GPHN: variants seen among roughly 807,000 people sequenced by gnomAD.
GPHN encodes the protein gephyrin.
In GPHN, 17 loss-of-function variants were observed where a neutral mutation model predicts 95.5. That is an observed-to-expected ratio of 0.18 (90% CI 0.12 to 0.27). The LOEUF (loss-of-function observed/expected upper bound fraction) is 0.27. Ranked by LOEUF, GPHN falls within the 10% of genes least tolerant of loss-of-function variation. The pLI is 1.00. For synonymous variants in GPHN, 320 were observed against 322.5 expected (o/e 0.99, Z 0.08); for missense variants, 660 against 978.1 (o/e 0.67, Z 4.34).
the GPHN span, chr14:67,676,853 C>CA: frequency 1.3e-5 from 2 of 151,900 alleles, no homozygotes; most frequent in African/African-American, 4.8e-5. Flanking sequence ...TAAATGAAAA[C>CA]AAAAAATAAT....
chr14:66,862,039 CA>C (rs909200897), intron 4 of GPHN, among the ~76,000 whole-genome samples: 8 of 151,714 alleles, frequency 5.3e-5, no homozygotes, highest in Non-Finnish European at 7.4e-5. Flanking sequence ...AAAAGATCAA[CA>C]AACTGGAAAG....
chr14:67,360,161 C>T, the GPHN span: 1 of 407,178 alleles, frequency 2.5e-6, no homozygotes, highest in Non-Finnish European at 4.3e-6. Context: ...ATGTCTTTCT[C>T]GCGCCTTGAA....
At chr14:66,916,219 A>G in intron 6 of GPHN, 150 bp downstream of exon 6, 1 of 686,110 alleles carries the variant, frequency 1.5e-6, no homozygotes, top group Non-Finnish European at 2.7e-6. Context: ...GGGTTCAGTA[A>G]TTCAATGGAA....
the GPHN span, among the ~76,000 whole-genome samples, chr14:67,427,474 G>A: frequency 6.6e-6 from 1 of 152,156 alleles, no homozygotes; most frequent in Non-Finnish European, 1.5e-5. Context: ...ACCTTTGTCA[G>A]GGGCTTCCGT....
At chr14:67,483,292 C>T in the GPHN span, among the ~76,000 whole-genome samples, 2 of 152,122 alleles carry the variant, frequency 1.3e-5, no homozygotes. Flanking sequence ...ATTATAGGCA[C>T]GAGTCACCAC....
At chr14:67,317,400 C>A in the GPHN span, 1 of 1,606,458 alleles carries the variant, frequency 6.2e-7, no homozygotes, top group Admixed American at 1.7e-5. Context: ...TTTATGATTG[C>A]TCAACAGGAA....
At chr14:67,432,275 A>C in the GPHN span, among the ~76,000 whole-genome samples, 3 of 152,234 alleles carry the variant, frequency 2.0e-5, no homozygotes, top group Non-Finnish European at 1.5e-5. Flanking sequence ...TAGGCATCTA[A>C]AGAATGGCAG....
chr14:67,185,362 G>T (rs8009652), downstream of GPHN, among the ~76,000 whole-genome samples: 88 of 152,302 alleles, frequency 5.8e-4, no homozygotes, highest in African/African-American at 1.9e-3. Context: ...TTAGAAAAGG[G>T]AGAAGATGTG....
chr14:66,515,499 T>C (rs28548143), intron 1 of GPHN, among the ~76,000 whole-genome samples: 49,837 of 151,958 alleles, frequency 0.33, 11,996 homozygotes, highest in African/African-American at 0.65. Context: ...AGTTGGGTGT[T>C]GTTTGTGTGA....
intron 8 of GPHN, among the ~76,000 whole-genome samples, chr14:66,931,628 T>G (rs958530342): frequency 2.6e-5 from 4 of 152,238 alleles, no homozygotes; most frequent in African/African-American, 9.6e-5. Context: ...TTCTGCTTAA[T>G]CAGTTATGCT....
At chr14:66,817,089 G>T (rs1335699323) in intron 3 of GPHN, among the ~76,000 whole-genome samples, 1 of 151,920 alleles carries the variant, frequency 6.6e-6, no homozygotes, top group East Asian at 1.9e-4. Context: ...AAGGGTATAC[G>T]ATCTCTAATA....
intron 5 of GPHN, among the ~76,000 whole-genome samples, chr14:66,894,224 T>G (rs2064698108): frequency 6.6e-6 from 1 of 152,140 alleles, no homozygotes; most frequent in Non-Finnish European, 1.5e-5. Flanking sequence ...TACCACTATC[T>G]GATCCTGGGC....
At position 66,800,791 on chromosome 14, in the gene GPHN, A is replaced by G. The variant is rs1437941609; in HGVS notation, c.202-23683A>G. Among the ~76,000 whole-genome samples, 4 of 151,894 alleles carry G rather than the reference A, an allele frequency of 2.6e-5. No individual in the cohort carries two copies. In the East Asian group the frequency reaches 7.8e-4, roughly 29 times the overall value. On this transcript the variant is annotated intron_variant, in intron 3 of 22. Coordinates refer to ENST00000478722, the MANE Select transcript of GPHN (RefSeq NM_020806.5). ...CCTTTTGAATAATCTTTCTACCCCT[A>G]TTTCTTTCTGTATCTCCTCTTTTTA...
At chr14:66,516,045 C>T (rs144184580) in intron 1 of GPHN, among the ~76,000 whole-genome samples, 468 of 151,112 alleles carry the variant, frequency 3.1e-3, no homozygotes, top group African/African-American at 0.011. Context: ...CTCACTCTGT[C>T]GCCCAGGCTG....
chr14:67,584,209 A>G, the GPHN span: 1,069 of 1,387,232 alleles, frequency 7.7e-4, 3 homozygotes, highest in Middle Eastern at 5.3e-3. Flanking sequence ...TGCAGCCCCT[A>G]CCTCCATACC....
chr14:67,577,530 T>C, the GPHN span: 2 of 684,642 alleles, frequency 2.9e-6, no homozygotes, highest in Non-Finnish European at 5.1e-6. Flanking sequence ...GGAAGGAAAC[T>C]TCCCAGGGTC....
intron 2 of GPHN, among the ~76,000 whole-genome samples, chr14:66,699,414 T>G (rs1348342637): frequency 6.6e-6 from 1 of 151,938 alleles, no homozygotes; most frequent in Non-Finnish European, 1.5e-5. Context: ...GTGATGATAA[T>G]ATTATATTAA....
chr14:67,317,871 G>A, the GPHN span, among the ~76,000 whole-genome samples: 2 of 152,302 alleles, frequency 1.3e-5, no homozygotes, highest in Non-Finnish European at 2.9e-5. Context: ...GAGAATTTTA[G>A]TTTTATTTTG....
chr14:67,647,263 C>A, the GPHN span: 1 of 426,486 alleles, frequency 2.3e-6, no homozygotes, highest in Non-Finnish European at 4.2e-6. Flanking sequence ...TTCTTTATCT[C>A]CATCTTTAAT....
Sources: allele counts gnomAD v4.1 joint callset (sites outside exome capture counted in the v4.1 genomes callset), GRCh38; gene constraint gnomAD v4.1.1; transcripts MANE v1.5; gene names NCBI Gene and HGNC (gene_info 2026-07-23, HGNC 2026-07-21).